The following ZNF469 variants were observed in gnomAD, a reference collection of about 807,000 sequenced individuals.
ZNF469 encodes zinc finger protein 469.
ZNF469 carries 1 observed loss-of-function variant against 1.0 expected under a neutral mutation model. The ratio of observed to expected loss-of-function variants is 1.00; its 90% CI spans 0.35 to 4.73. ZNF469 has a LOEUF of 4.73. Among genes scored for constraint, ZNF469 ranks in the 30% most tolerant of loss-of-function variants. ZNF469 has a pLI of 0.16. For missense variants in ZNF469, 6,100 were observed against 5,356.3 expected, an observed-to-expected ratio of 1.14 and a Z score of -4.33; for synonymous variants, 2,703 against 2,363.4, an observed-to-expected ratio of 1.14 and a Z score of -4.17.
intron 1 of ZNF469, among the ~76,000 whole-genome samples, chr16:88,398,264 C>G (rs1423870231): frequency 6.6e-6 from 1 of 152,216 alleles, no homozygotes; most frequent in Non-Finnish European, 1.5e-5. Context: ...CACCACAAGC[C>G]ACGGACAAAG....
the ZNF469 span, among the ~76,000 whole-genome samples, chr16:88,303,621 C>T: frequency 2.4e-3 from 360 of 152,346 alleles, 4 homozygotes; most frequent in African/African-American, 8.2e-3. Context: ...TCCAGCTCCA[C>T]CTCCACCTTC....
At chr16:88,221,108 G>C in the ZNF469 span, among the ~76,000 whole-genome samples, 1 of 152,100 alleles carries the variant, frequency 6.6e-6, no homozygotes. Flanking sequence ...GTCACTGTGA[G>C]GTACTGGGAG....
chr16:88,402,289 C>G (rs1362628713), intron 1 of ZNF469, among the ~76,000 whole-genome samples: 1 of 152,162 alleles, frequency 6.6e-6, no homozygotes, highest in Non-Finnish European at 1.5e-5. Context: ...ACTCTACCCT[C>G]TCCTTCAGGA....
chr16:88,142,331 G>T, the ZNF469 span, among the ~76,000 whole-genome samples: 2 of 152,244 alleles, frequency 1.3e-5, no homozygotes, highest in African/African-American at 4.8e-5. Context: ...GAAGGCACCT[G>T]ACCTTCACCT....
chr16:88,179,772 G>A, the ZNF469 span, among the ~76,000 whole-genome samples: 103,999 of 152,216 alleles, frequency 0.68, 36,980 homozygotes, highest in Non-Finnish European at 0.8. Context: ...TCCAAAGACA[G>A]AAAGATAATT....
the ZNF469 span, among the ~76,000 whole-genome samples, chr16:88,110,516 C>G: frequency 4.6e-5 from 7 of 152,276 alleles, no homozygotes; most frequent in African/African-American, 1.7e-4. Context: ...TCCCCTCCTG[C>G]TCCTCCACAC....
At chr16:88,138,533 C>G in the ZNF469 span, among the ~76,000 whole-genome samples, 1 of 152,244 alleles carries the variant, frequency 6.6e-6, no homozygotes, top group African/African-American at 2.4e-5. Context: ...TAAAAGGAAT[C>G]TGCCCCTAGA....
chr16:88,204,107 G>C, the ZNF469 span, among the ~76,000 whole-genome samples: 1 of 148,708 alleles, frequency 6.7e-6, no homozygotes, highest in Non-Finnish European at 1.5e-5. Context: ...GAGGTGCCCC[G>C]TAACCCCACA....
At chr16:88,339,101 G>T in the ZNF469 span, among the ~76,000 whole-genome samples, 1 of 148,876 alleles carries the variant, frequency 6.7e-6, no homozygotes, top group Non-Finnish European at 1.5e-5. Flanking sequence ...AGTCACTCAG[G>T]TGCACTCCCA....
chr16:88,263,933 TG>T, the ZNF469 span, among the ~76,000 whole-genome samples: 5 of 152,064 alleles, frequency 3.3e-5, 1 homozygote, highest in Admixed American at 3.3e-4. Flanking sequence ...GACCCCAGGC[TG>T]GGCTGACCAG....
chr16:88,148,356 A>T, the ZNF469 span, among the ~76,000 whole-genome samples: 31 of 152,270 alleles, frequency 2.0e-4, 2 homozygotes, highest in African/African-American at 6.3e-4. Flanking sequence ...ACACAAGAGG[A>T]TGCCCTGCTC....
chr16:88,253,368 T>A, the ZNF469 span, among the ~76,000 whole-genome samples: 2 of 152,064 alleles, frequency 1.3e-5, no homozygotes, highest in Non-Finnish European at 2.9e-5. Context: ...GCTTGTCTTG[T>A]TTTTTCCTTT....
the ZNF469 span, among the ~76,000 whole-genome samples, chr16:88,338,999 G>C: frequency 6.6e-6 from 1 of 151,788 alleles, no homozygotes; most frequent in Non-Finnish European, 1.5e-5. Context: ...CATCACACTT[G>C]ATAGTGTGCG....
At chr16:88,326,799 G>C in the ZNF469 span, among the ~76,000 whole-genome samples, 12 of 152,170 alleles carry the variant, frequency 7.9e-5, no homozygotes, top group African/African-American at 2.9e-4. Context: ...GGCAGCACTC[G>C]GGCCGGTCCT....
chr16:88,152,203 T>A, the ZNF469 span, among the ~76,000 whole-genome samples: 2 of 152,214 alleles, frequency 1.3e-5, no homozygotes, highest in African/African-American at 4.8e-5. The surrounding 1 kb of genome is among the most constrained non-coding windows in gnomAD (Gnocchi z 4.2). Context: ...TTTAAATGTG[T>A]TGAAAAAATC....
the ZNF469 span, among the ~76,000 whole-genome samples, chr16:88,124,671 G>C: frequency 2.0e-5 from 3 of 152,204 alleles, no homozygotes; most frequent in Non-Finnish European, 4.4e-5. Flanking sequence ...TGCAACCTCT[G>C]CCTCCCGGGT....
chr16:88,401,958 GGATGGGTGGATGGATAGATA>G lies in ZNF469; in HGVS notation c.-192+18705_-192+18724del, dbSNP rs1202602304. ...TAGATACGTGGGTGGATGGGAAGAT[GGATGGGTGGATGGATAGATA>G]CGTGGGTGGATGGGAAGATGGATGG... On this transcript the variant is annotated intron_variant, in intron 1 of 2. Transcript: ENST00000565624. 7.0e-4 allele frequency among the ~76,000 whole-genome samples: 29 copies of G among 41,598 alleles called. 1 individual carries two copies. Among genetic ancestry groups the G allele is most frequent in the East Asian group, 5.5e-3 (11 of 2,004 alleles). The allele number at this position is 41,598 out of a possible 152,430, so 27.3% of individuals were successfully genotyped here. A position where few individuals can be genotyped will look rare whatever the true frequency, so the allele number is the denominator to read the frequency against.
At chr16:88,253,923 C>A in the ZNF469 span, among the ~76,000 whole-genome samples, 146 of 152,056 alleles carry the variant, frequency 9.6e-4, no homozygotes, top group Middle Eastern at 3.4e-3. Flanking sequence ...CAGTTCCATG[C>A]CAAATCTACA....
the ZNF469 span, among the ~76,000 whole-genome samples, chr16:88,137,952 C>T: frequency 5.0e-3 from 760 of 152,214 alleles, 8 homozygotes; most frequent in African/African-American, 0.016. Flanking sequence ...TTGCCCAAGA[C>T]GATAGAGCCG....
Sources: gnomAD v4.1 joint callset for allele counts (sites outside exome capture counted in the v4.1 genomes callset) on GRCh38, gnomAD v4.1.1 for gene constraint, Gnocchi (gnomAD v3.1) non-coding constraint, MANE v1.5 for transcripts, NCBI Gene and HGNC (gene_info 2026-07-23, HGNC 2026-07-21) for gene names.